The following SCRG1 variants were observed in gnomAD, a reference collection of about 807,000 sequenced individuals.
SCRG1 encodes stimulator of chondrogenesis 1.
Under a neutral mutation model 7.7 loss-of-function variants are expected in SCRG1, and 3 were observed. That is an observed-to-expected ratio of 0.39 (90% CI 0.18 to 1.01). SCRG1 has a LOEUF of 1.01. Ranked by LOEUF, SCRG1 falls within the 50% of genes least tolerant of loss-of-function variation. The probability of loss-of-function intolerance (pLI) is 0.36; values close to 1 mark genes in which losing one functional copy is unlikely to be tolerated. For synonymous variants in SCRG1, 46 were observed against 41.2 expected, an observed-to-expected ratio of 1.12 and a Z score of -0.44; for missense variants, 110 against 117.2, an observed-to-expected ratio of 0.94 and a Z score of 0.28.
the SCRG1 span, among the ~76,000 whole-genome samples, chr4:173,430,156 A>C: frequency 6.6e-6 from 1 of 152,148 alleles, no homozygotes; most frequent in East Asian, 1.9e-4. Context: ...GAAGCGGGGG[A>C]ACTGAAAATG....
the SCRG1 span, among the ~76,000 whole-genome samples, chr4:173,508,419 C>G: frequency 6.6e-6 from 1 of 152,152 alleles, no homozygotes; most frequent in Non-Finnish European, 1.5e-5. This position sits in a 1 kb window ranked among gnomAD's most constrained non-coding sequence, Gnocchi z 4.4. Flanking sequence ...CAAATATGCC[C>G]ACACTTTGAC....
the SCRG1 span, among the ~76,000 whole-genome samples, chr4:173,485,804 T>C: frequency 6.6e-6 from 1 of 151,994 alleles, no homozygotes; most frequent in African/African-American, 2.4e-5. Context: ...ACCCCGCCTC[T>C]ACTAAAAATA....
the SCRG1 span, among the ~76,000 whole-genome samples, chr4:173,485,772 C>G: frequency 1.4e-4 from 21 of 152,142 alleles, no homozygotes; most frequent in African/African-American, 5.1e-4. Context: ...GAGTTTGAGA[C>G]CAGCCTGTTC....
At chr4:173,501,105 G>A in the SCRG1 span, among the ~76,000 whole-genome samples, 4 of 152,224 alleles carry the variant, frequency 2.6e-5, no homozygotes, top group Non-Finnish European at 5.9e-5. This position sits in a 1 kb window ranked among gnomAD's most constrained non-coding sequence, Gnocchi z 5.1. Flanking sequence ...CCCCTCCAAA[G>A]TGGGCGGAGT....
the SCRG1 span, among the ~76,000 whole-genome samples, chr4:173,483,584 G>GTATTGTGATATATAATATATATT: frequency 1.7e-3 from 22 of 12,652 alleles, no homozygotes; most frequent in East Asian, 7.7e-3. Flanking sequence ...TAATATATAT[G>GTATTGTGATATATAATATATATT]ATATATTATA....
chr4:173,479,435 G>GTTTTTTTTTT, the SCRG1 span, among the ~76,000 whole-genome samples: 10 of 125,970 alleles, frequency 7.9e-5, 1 homozygote, highest in Admixed American at 3.3e-4. Context: ...TTGTTTGTTT[G>GTTTTTTTTTT]TTTTTTTGTT....
chr4:173,472,363 C>A, the SCRG1 span, among the ~76,000 whole-genome samples: 5 of 152,090 alleles, frequency 3.3e-5, no homozygotes, highest in African/African-American at 7.2e-5. Context: ...TTTTCTTTTG[C>A]CAAGTGTATT....
chr4:173,466,017 C>T, the SCRG1 span, among the ~76,000 whole-genome samples: 1 of 152,082 alleles, frequency 6.6e-6, no homozygotes, highest in Non-Finnish European at 1.5e-5. Flanking sequence ...ATAAAGGATA[C>T]TTGGCACAAA....
the SCRG1 span, among the ~76,000 whole-genome samples, chr4:173,497,463 G>C: frequency 6.6e-6 from 1 of 151,794 alleles, no homozygotes. Context: ...TACACATCCC[G>C]GGAAAACATA....
the SCRG1 span, among the ~76,000 whole-genome samples, chr4:173,466,659 G>A: frequency 6.6e-6 from 1 of 152,140 alleles, no homozygotes; most frequent in African/African-American, 2.4e-5. Flanking sequence ...GCTTAACTCA[G>A]TCTTTTTTCT....
the SCRG1 span, among the ~76,000 whole-genome samples, chr4:173,427,362 A>AT: frequency 6.6e-6 from 1 of 152,202 alleles, no homozygotes; most frequent in Non-Finnish European, 1.5e-5. Context: ...AACAAAAGGG[A>AT]TTTTTCAACA....
the SCRG1 span, among the ~76,000 whole-genome samples, chr4:173,449,186 T>A: frequency 1.3e-5 from 2 of 151,976 alleles, no homozygotes; most frequent in African/African-American, 4.8e-5. Context: ...CTGAAAGAGG[T>A]GGGTGATCTA....
chr4:173,461,398 G>A, the SCRG1 span, among the ~76,000 whole-genome samples: 1 of 152,194 alleles, frequency 6.6e-6, no homozygotes, highest in African/African-American at 2.4e-5. Flanking sequence ...GTAAGTAAGG[G>A]GAAAGAACAA....
At chr4:173,451,808 G>T in the SCRG1 span, among the ~76,000 whole-genome samples, 20 of 151,984 alleles carry the variant, frequency 1.3e-4, no homozygotes, top group Admixed American at 7.2e-4. Context: ...CTGTCCATTG[G>T]CTTTTTTTGA....
chr4:173,490,823 C>T, the SCRG1 span, among the ~76,000 whole-genome samples: 2 of 152,128 alleles, frequency 1.3e-5, no homozygotes, highest in African/African-American at 4.8e-5. Context: ...CTCTATTGCC[C>T]TGGACTAAAG....
At chr4:173,455,146 T>A in the SCRG1 span, among the ~76,000 whole-genome samples, 1 of 151,996 alleles carries the variant, frequency 6.6e-6, no homozygotes, top group Non-Finnish European at 1.5e-5. Flanking sequence ...GATTCTACGG[T>A]GAGGCCACTA....
the SCRG1 span, among the ~76,000 whole-genome samples, chr4:173,466,676 G>C: frequency 1.3e-5 from 2 of 152,102 alleles, no homozygotes; most frequent in East Asian, 3.9e-4. Context: ...TTCTGATACT[G>C]CATCTGAAGT....
chr4:173,508,650 C>T, the SCRG1 span, among the ~76,000 whole-genome samples: 2 of 152,176 alleles, frequency 1.3e-5, no homozygotes, highest in African/African-American at 4.8e-5. The surrounding 1 kb of genome is among the most constrained non-coding windows in gnomAD (Gnocchi z 4.4). Context: ...CTAGAGAAGG[C>T]CTGCCGCCCG....
the SCRG1 span, among the ~76,000 whole-genome samples, chr4:173,517,792 G>C: frequency 6.6e-6 from 1 of 152,256 alleles, no homozygotes; most frequent in South Asian, 2.1e-4. Flanking sequence ...AGCCACAAAA[G>C]AGCCTGGTCT....
Sources: gnomAD v4.1 joint callset for allele counts (sites outside exome capture counted in the v4.1 genomes callset) on GRCh38, gnomAD v4.1.1 for gene constraint, Gnocchi (gnomAD v3.1) non-coding constraint, MANE v1.5 for transcripts, NCBI Gene and HGNC (gene_info 2026-07-23, HGNC 2026-07-21) for gene names.